DDX27: variants seen among roughly 807,000 people sequenced by gnomAD.
DDX27 encodes probable ATP-dependent RNA helicase DDX27.
DDX27 carries 42 observed loss-of-function variants against 99.3 expected under a neutral mutation model. The observed-to-expected ratio is 0.42, with a 90% CI of 0.33 to 0.55. The LOEUF is 0.55. DDX27 is among the 20% of genes least tolerant of loss of function. The pLI is 0.07. For missense variants in DDX27, 798 were observed against 976.8 expected (o/e 0.82, Z 2.44); for synonymous variants, 329 against 353.8 (o/e 0.93, Z 0.79).
intron 7 of DDX27, 58 bp from the exon 8 acceptor site, chr20:49,228,657 C>A: frequency 1.4e-6 from 2 of 1,468,904 alleles, no homozygotes; most frequent in South Asian, 1.3e-5. Context: ...TGGTGAAAAC[C>A]TAACCCTGGA....
intron 4 of DDX27, among the ~76,000 whole-genome samples, chr20:49,224,277 A>G (rs928704051): frequency 4.6e-5 from 7 of 152,014 alleles, no homozygotes; most frequent in Non-Finnish European, 8.8e-5. Flanking sequence ...TGCGGCTGCC[A>G]GATGCCACTG....
chr20:49,233,438 A>C (rs773363318), intron 10 of DDX27, 33 bp downstream of exon 10: 1 of 1,609,200 alleles, frequency 6.2e-7, no homozygotes, highest in African/African-American at 1.3e-5. Context: ...GGCGGGTGGC[A>C]GGTGTGCCCA....
At chr20:49,223,568 C>CTT in intron 4 of DDX27, 135 bp downstream of exon 4, 1 of 634,340 alleles carries the variant, frequency 1.6e-6, no homozygotes, top group Non-Finnish European at 2.3e-6. Flanking sequence ...GAACTCCTTT[C>CTT]TTTCTTTTTT....
chr20:49,231,842 AT>A (rs1980123770), intron 9 of DDX27, among the ~76,000 whole-genome samples: 1 of 151,122 alleles, frequency 6.6e-6, no homozygotes, highest in African/African-American at 2.4e-5. Context: ...AGAAATAATT[AT>A]ACGAATCCAG....
chr20:49,241,375 G>A (rs1980470742), intron 16 of DDX27, among the ~76,000 whole-genome samples: 2 of 152,172 alleles, frequency 1.3e-5, no homozygotes, highest in South Asian at 4.1e-4. Flanking sequence ...ATAGCAGGAG[G>A]TTTGTAATGA....
In DDX27 at chr20:49,222,943, A is replaced by T. The variant is rs1473252064; in HGVS notation, c.241-14A>T. On this transcript the variant is annotated splice_polypyrimidine_tract_variant and intron_variant, in intron 2 of 20. Coordinates refer to ENST00000618172, the MANE Select transcript of DDX27 (RefSeq NM_017895.8). ...ATGAAAATTTCTTTTTCACCTCTTT[A>T]TTTTTATCTGCAGAGGGCAGCCACT... The T allele has an allele frequency of 6.3e-7, 1 of 1,591,278 alleles. No individual in the cohort carries two copies. The highest frequency in any genetic ancestry group is 1.8e-5 in the Admixed American group (1 of 54,450).
At position 49,221,502 on chromosome 20, in the gene DDX27, T is replaced by G. The variant is rs778662575; in HGVS notation, c.144T>G (p.Ser48Arg). The part of the protein sequence containing the change: ...RRQKALGKNR[S>R]ADFNPDFVFT... Reference sequence around the variant, plus strand: ...AAAAAGCTTTGGGGAAGAACCGCAGTGCTGATTTCAACCCTGATTTCGTTT... The same window carrying G: ...AAAAAGCTTTGGGGAAGAACCGCAGGGCTGATTTCAACCCTGATTTCGTTT... Residue 48 changes from serine (S) to arginine (R), a missense_variant, in exon 2 of 21, where the codon AGT becomes AGG. This residue lies in a region of DDX27 where 245 missense variants were observed against 248.8 expected (regional missense o/e 0.98). Transcript: ENST00000618172. The G allele has an allele frequency of 6.2e-7, 1 of 1,613,786 alleles. No homozygotes were observed. The highest frequency in any genetic ancestry group is 8.5e-7 in the Non-Finnish European group (1 of 1,180,002).
In DDX27 at chr20:49,226,412, C is replaced by T. The variant is rs752348314; in HGVS notation, c.601-18C>T. 10 of 1,608,560 alleles carry T rather than the reference C, an allele frequency of 6.2e-6. No homozygotes were observed. The South Asian group carries it at 9.9e-5, about 16-fold the overall frequency. Reference sequence around the variant, plus strand: ...TTCCCCCGCTCAACCCTGTCTGACCCAGTTCTTTTTTCCTCAGGCCATTAC... The same window carrying T: ...TTCCCCCGCTCAACCCTGTCTGACCTAGTTCTTTTTTCCTCAGGCCATTAC... On this transcript the variant is annotated intron_variant, in intron 6 of 20. Transcript: ENST00000618172.
At position 49,236,344 on chromosome 20, in the gene DDX27, C is replaced by G; in HGVS notation, c.1521C>G (p.Phe507Leu). 1 of 1,584,080 alleles carries G rather than the reference C, an allele frequency of 6.3e-7. No homozygotes were observed. The highest frequency in any genetic ancestry group is 8.6e-7 in the Non-Finnish European group (1 of 1,162,110). Reference protein sequence around the residue: ...DIEGVKTVINFTMPNTIKHYV... With the variant: ...DIEGVKTVINLTMPNTIKHYV... ...TTTTGACCTTCTAGGTAATCAACTT[C>G]ACAATGCCTAATACCATCAAACATT... The change falls in exon 14 of 21, where the codon TTC (phenylalanine) becomes TTG (leucine). Residue 507 changes from phenylalanine to leucine, a missense_variant. By Grantham distance (22) the Phe-to-Leu change is conservative. Around this residue, in one of 2 missense-constraint regions of DDX27, gnomAD observed 553 missense variants for 727.9 expected, o/e 0.76. Transcript: ENST00000618172. This position sits in a 1 kb window ranked among gnomAD's most constrained non-coding sequence, Gnocchi z 4.1.
chr20:49,234,823 T>A, intron 11 of DDX27, 112 bp from the exon 12 acceptor site: 1 of 1,300,718 alleles, frequency 7.7e-7, no homozygotes, highest in Non-Finnish European at 1.0e-6. Context: ...ACAGGGACAG[T>A]GCCTGTCTAT....
Position 49,234,939 on chromosome 20 carries a change from G to A in DDX27, c.1278G>A (p.Leu426=), listed in dbSNP as rs1010045855. 5 of 1,593,260 alleles carry A rather than the reference G, an allele frequency of 3.1e-6. No homozygotes were observed. Among genetic ancestry groups the A allele is most frequent in the Non-Finnish European group, 4.3e-6 (5 of 1,168,410 alleles). ...EGDREAIVAA[L]LTRTFTDHVM... is the part of the protein sequence containing the mutation. Reference sequence around the variant, plus strand: ...TCAGTCCTCTCTTCCTGCCAGCTTTGTTGACGAGGACCTTCACTGACCATG... The same window carrying A: ...TCAGTCCTCTCTTCCTGCCAGCTTTATTGACGAGGACCTTCACTGACCATG... Residue 426 remains leucine (L), a synonymous_variant, in exon 12 of 21, where the codon TTG becomes TTA. Coordinates refer to ENST00000618172, the MANE Select transcript of DDX27 (RefSeq NM_017895.8).
intron 16 of DDX27, among the ~76,000 whole-genome samples, chr20:49,241,612 A>T (rs577237490): frequency 5.3e-5 from 8 of 152,100 alleles, no homozygotes; most frequent in African/African-American, 1.9e-4. Flanking sequence ...AGCTGGGATT[A>T]CAGGTGCACC....
chr20:49,227,245 G>A (rs997491085), intron 7 of DDX27, among the ~76,000 whole-genome samples: 3 of 152,072 alleles, frequency 2.0e-5, no homozygotes, highest in Non-Finnish European at 2.9e-5. Flanking sequence ...TAGTGCATAG[G>A]GTCTCTCGAA....
At chr20:49,222,605 C>T (rs923836289) in intron 2 of DDX27, among the ~76,000 whole-genome samples, 2 of 152,006 alleles carry the variant, frequency 1.3e-5, no homozygotes, top group East Asian at 1.9e-4. Context: ...ACCTCCGCCT[C>T]CCAGGTTCAA....
chr20:49,233,821 C>A, intron 11 of DDX27, 112 bp downstream of exon 11: 2 of 1,249,624 alleles, frequency 1.6e-6, no homozygotes, highest in Admixed American at 2.0e-5. Flanking sequence ...CAGTCTTCCC[C>A]AGCGCAGAGG....
At chr20:49,239,572 C>T (rs1022798335) in intron 16 of DDX27, among the ~76,000 whole-genome samples, 3 of 152,108 alleles carry the variant, frequency 2.0e-5, no homozygotes, top group Admixed American at 1.3e-4. Context: ...GGTTAGTGCT[C>T]TTATGAGAAT....
chr20:49,238,321 A>C (rs1980368752), intron 14 of DDX27: 1 of 151,916 alleles, frequency 6.6e-6, no homozygotes, highest in African/African-American at 2.4e-5. Flanking sequence ...TATTTTGTTT[A>C]AGATAAGGTC....
chr20:49,221,700 C>A, intron 2 of DDX27, 102 bp downstream of exon 2: 1 of 994,864 alleles, frequency 1.0e-6, no homozygotes, highest in Non-Finnish European at 1.4e-6. Context: ...TGTTTACATT[C>A]AGCAGATACT....
Position 49,228,707 on chromosome 20 carries a change from C to T in DDX27, c.707-8C>T, listed in dbSNP as rs1323754535. On this transcript the variant is annotated splice_region_variant and splice_polypyrimidine_tract_variant and intron_variant, in intron 7 of 20. Coordinates refer to ENST00000618172, the MANE Select transcript of DDX27 (RefSeq NM_017895.8). ...TTCTCATTGCTTCCTTGCTGTCCCT[C>T]CCTCCAGGTAAAACTGCCGCCTTTG... 6.3e-7 allele frequency: 1 copy of T among 1,585,876 alleles called. No individual in the cohort carries two copies. The highest frequency in any genetic ancestry group is 8.6e-7 in the Non-Finnish European group (1 of 1,160,576).
Sources: gnomAD v4.1 joint callset for allele counts (sites outside exome capture counted in the v4.1 genomes callset) on GRCh38, gnomAD v4.1.1 for gene constraint, gnomAD v4.1.1 regional missense constraint, Gnocchi (gnomAD v3.1) non-coding constraint, MANE v1.5 for transcripts, NCBI Gene and HGNC (gene_info 2026-07-23, HGNC 2026-07-21) for gene names.